The following CFAP221 variants were observed in gnomAD, a reference collection of about 807,000 sequenced individuals.
CFAP221 encodes the protein cilia and flagella associated protein 221.
CFAP221 carries 97 observed loss-of-function variants against 113.1 expected under a neutral mutation model. The observed-to-expected ratio is 0.86, with a 90% CI of 0.73 to 1.02. The LOEUF (loss-of-function observed/expected upper bound fraction) is 1.02. Among genes scored for constraint, CFAP221 ranks in the 50% least tolerant of loss-of-function variants. The pLI is 0.00. For missense variants in CFAP221, 1,025 were observed against 1,013.4 expected, an observed-to-expected ratio of 1.01 and a Z score of -0.16; for synonymous variants, 331 against 354.4, an observed-to-expected ratio of 0.93 and a Z score of 0.74.
intron 6 of CFAP221, among the ~76,000 whole-genome samples, chr2:119,579,112 A>G (rs953466624): frequency 6.6e-6 from 1 of 152,116 alleles, no homozygotes; most frequent in Non-Finnish European, 1.5e-5. Context: ...ATATATTTCT[A>G]TGTATAGCCT....
At chr2:119,563,193 A>T (rs949612147) in intron 6 of CFAP221, among the ~76,000 whole-genome samples, 2 of 152,126 alleles carry the variant, frequency 1.3e-5, no homozygotes, top group African/African-American at 4.8e-5. Flanking sequence ...TTTACATATA[A>T]CCTATGCACA....
At chr2:119,637,472 C>T (rs1036039243) in intron 19 of CFAP221, among the ~76,000 whole-genome samples, 7 of 152,070 alleles carry the variant, frequency 4.6e-5, no homozygotes, top group African/African-American at 1.4e-4. Flanking sequence ...TTTTGTGGGG[C>T]GTTTTTAACT....
rs750160118 is a variant in CFAP221 at position 119,630,602 on chromosome 2, G to T, written c.1764G>T (p.Gln588His). 1 of 1,613,538 alleles carries T rather than the reference G, an allele frequency of 6.2e-7. No individual in the cohort carries two copies. The highest frequency in any genetic ancestry group is 1.1e-5 in the South Asian group (1 of 91,058). ...VPQLYKIKRY[Q>H]PFSVHKSSTS... Reference sequence around the variant, plus strand: ...AACTGTACAAAATTAAGAGATATCAGCCATTCTCTGTCCACAAGTCTTCAA... The same window carrying T: ...AACTGTACAAAATTAAGAGATATCATCCATTCTCTGTCCACAAGTCTTCAA... The change falls in exon 18 of 24, where the codon CAG becomes CAT. Residue 588 changes from glutamine to histidine, a missense_variant. Gln to His is a conservative substitution (Grantham distance 24, BLOSUM62 0). Coordinates refer to ENST00000413369, the MANE Select transcript of CFAP221 (RefSeq NM_001271049.2).
chr2:119,563,441 C>T (rs1010012040), intron 6 of CFAP221, among the ~76,000 whole-genome samples: 3 of 152,128 alleles, frequency 2.0e-5, no homozygotes, highest in East Asian at 1.9e-4. Flanking sequence ...AATGGCCATG[C>T]CAGTTGTTAA....
intron 12 of CFAP221, among the ~76,000 whole-genome samples, chr2:119,609,578 G>C (rs1031240548): frequency 9.9e-5 from 15 of 152,050 alleles, no homozygotes; most frequent in African/African-American, 3.4e-4. Flanking sequence ...TGATATAAGG[G>C]CACCAGTCAT....
At chr2:119,647,106 T>C (rs999041674) in intron 22 of CFAP221, 56 bp downstream of exon 22, 19 of 1,326,088 alleles carry the variant, frequency 1.4e-5, no homozygotes, top group Middle Eastern at 1.8e-4. Context: ...TCCAAAAATA[T>C]GTGAGGTGCT....
At chr2:119,545,801 G>T (rs1229028187) in intron 1 of CFAP221, among the ~76,000 whole-genome samples, 2 of 152,150 alleles carry the variant, frequency 1.3e-5, no homozygotes, top group Admixed American at 6.5e-5. Context: ...CCCCTGCAAT[G>T]AACTCAAGAA....
At chr2:119,588,661 A>G (rs536931466) in intron 7 of CFAP221, among the ~76,000 whole-genome samples, 18 of 152,284 alleles carry the variant, frequency 1.2e-4, no homozygotes, top group African/African-American at 4.3e-4. Flanking sequence ...CAAATGCATG[A>G]TACATGAGAT....
chr2:119,638,661 A>T lies in CFAP221; in HGVS notation c.2133+244A>T, dbSNP rs939772. 0.95 allele frequency among the ~76,000 whole-genome samples: 144,237 copies of T among 152,252 alleles called. 68,394 individuals carry two copies. Among genetic ancestry groups the T allele is most frequent in the East Asian group, 0.99 (5,128 of 5,182 alleles). ...CTACCCTTTGTCAACATTCCTCTGG[A>T]AGGCTGCACCTAATGTTCACGTGTT... is the stretch of plus-strand genomic sequence containing the variant. On this transcript the variant is annotated intron_variant, in intron 20 of 23. Coordinates refer to ENST00000413369, the MANE Select transcript of CFAP221 (RefSeq NM_001271049.2).
At chr2:119,566,152 G>A (rs1319072868) in intron 6 of CFAP221, among the ~76,000 whole-genome samples, 1 of 152,150 alleles carries the variant, frequency 6.6e-6, no homozygotes, top group Non-Finnish European at 1.5e-5. Context: ...AGGAGGACAT[G>A]CCTGAGCTGA....
chr2:119,575,354 C>A (rs1039670458), intron 6 of CFAP221, among the ~76,000 whole-genome samples: 1 of 152,172 alleles, frequency 6.6e-6, no homozygotes, highest in Non-Finnish European at 1.5e-5. Flanking sequence ...CACCTCCAGT[C>A]GGCCCTCCTG....
intron 1 of CFAP221, among the ~76,000 whole-genome samples, chr2:119,545,861 C>T (rs1558899490): frequency 1.3e-5 from 2 of 151,910 alleles, no homozygotes; most frequent in Non-Finnish European, 2.9e-5. Flanking sequence ...AATCAAGGAC[C>T]ACAGAAGGGT....
intron 8 of CFAP221, among the ~76,000 whole-genome samples, chr2:119,603,162 A>G (rs1323588228): frequency 6.6e-6 from 1 of 152,200 alleles, no homozygotes; most frequent in East Asian, 1.9e-4. Flanking sequence ...AGGGTGTGTG[A>G]TAGACTTACT....
intron 18 of CFAP221, 26 bp from the exon 19 acceptor site, chr2:119,630,741 A>G: frequency 6.2e-7 from 1 of 1,608,352 alleles, no homozygotes; most frequent in Non-Finnish European, 8.5e-7. Context: ...CATCAAAACT[A>G]ACGTGCTGTC....
intron 11 of CFAP221, among the ~76,000 whole-genome samples, chr2:119,608,187 A>G (rs1684903470): frequency 6.6e-6 from 1 of 152,144 alleles, no homozygotes; most frequent in Non-Finnish European, 1.5e-5. Context: ...TATTATCATC[A>G]TCATCATAGC....
intron 22 of CFAP221, among the ~76,000 whole-genome samples, chr2:119,651,328 A>G (rs1688115717): frequency 6.6e-6 from 1 of 152,160 alleles, no homozygotes; most frequent in Non-Finnish European, 1.5e-5. Context: ...TTGCAACACA[A>G]CCACACCCAT....
In CFAP221 at chr2:119,566,633, A is replaced by T. The variant is rs374431229; in HGVS notation, c.527+4519A>T. The stretch of plus-strand genomic sequence containing the variant: ...TGCAGGGGCAGTTTGTCATTGGATT[A>T]TGGGCCTAGAAATGTGCACCTCTGA... On this transcript the variant is annotated intron_variant, in intron 6 of 23. Transcript: ENST00000413369. Among the ~76,000 whole-genome samples, 363 of 152,328 alleles carry T rather than the reference A, an allele frequency of 2.4e-3. 1 individual carries two copies. The highest frequency in any genetic ancestry group is 8.3e-3 in the African/African-American group (343 of 41,568).
intron 7 of CFAP221, among the ~76,000 whole-genome samples, chr2:119,592,269 T>C (rs1683649759): frequency 6.6e-6 from 1 of 152,214 alleles, no homozygotes. Context: ...CTAAAAGGAA[T>C]TGGTGAACTT....
chr2:119,604,916 C>G lies in CFAP221; in HGVS notation c.953C>G (p.Ser318Trp), dbSNP rs148375672. Residue 318 changes from serine (S) to tryptophan (W), a missense_variant, in exon 10 of 24, where the codon TCG becomes TGG. Ser to Trp is a radical substitution (Grantham distance 177). Transcript: ENST00000413369. ...YQNLRFPVDL[S>W]NPFAVATVLN... is the part of the protein sequence containing the mutation. ...AACCTCAGATTTCCAGTAGATTTAT[C>G]GAATCCATTTGCTGTGGCAACTGTT... The G allele has an allele frequency of 3.7e-6, 6 of 1,613,850 alleles. No individual in the cohort carries two copies. Among genetic ancestry groups the G allele is most frequent in the Admixed American group, 1.7e-5 (1 of 59,960 alleles).
Sources: allele counts gnomAD v4.1 joint callset (sites outside exome capture counted in the v4.1 genomes callset), GRCh38; gene constraint gnomAD v4.1.1; transcripts MANE v1.5; gene names NCBI Gene and HGNC (gene_info 2026-07-23, HGNC 2026-07-21).